CIB4: variants seen among roughly 807,000 people sequenced by gnomAD.
The protein encoded by CIB4 is calcium and integrin binding family member 4, also known as calcium and integrin-binding family member 4.
In CIB4, 25 loss-of-function variants were observed where a neutral mutation model predicts 25.8. That is an observed-to-expected ratio of 0.97 (90% confidence interval 0.71 to 1.35). CIB4 has a LOEUF of 1.35. Ranked by LOEUF, CIB4 falls within the 40% of genes most tolerant of loss-of-function variation. The pLI, the probability that CIB4 is intolerant of heterozygous loss-of-function variation, is 0.00. For synonymous variants in CIB4, 75 were observed against 81.4 expected (o/e 0.92, Z 0.42); for missense variants, 235 against 228.2 (o/e 1.03, Z -0.19).
intron 4 of CIB4, 29 bp downstream of exon 4, chr2:26,595,147 C>G (rs1558558120): frequency 1.3e-6 from 2 of 1,592,330 alleles, no homozygotes; most frequent in Non-Finnish European, 1.7e-6. Flanking sequence ...CTTTCCACCC[C>G]TCACCCCTCA....
intron 3 of CIB4, among the ~76,000 whole-genome samples, chr2:26,618,727 T>C (rs2148215946): frequency 6.6e-6 from 1 of 152,320 alleles, no homozygotes; most frequent in South Asian, 2.1e-4. Flanking sequence ...GGCCTGGTCC[T>C]AGCCTGACCG....
intron 3 of CIB4, among the ~76,000 whole-genome samples, chr2:26,598,328 T>C (rs572149004): frequency 6.8e-6 from 1 of 147,724 alleles, no homozygotes; most frequent in African/African-American, 2.5e-5. Context: ...AAAAACAGAA[T>C]CTAGATTGAA....
intron 3 of CIB4, among the ~76,000 whole-genome samples, chr2:26,601,230 AAATATATAT>A (rs1228753357): frequency 0.016 from 745 of 47,390 alleles, 53 homozygotes; most frequent in African/African-American, 0.038. Context: ...AAAAAAAAAA[AAATATATAT>A]ATATATATAT....
At chr2:26,636,157 T>C (rs76910069) in intron 2 of CIB4, among the ~76,000 whole-genome samples, 3,227 of 152,296 alleles carry the variant, frequency 0.021, 127 homozygotes, top group African/African-American at 0.074. Flanking sequence ...TTTCTCTATA[T>C]ATACTTCTTT....
intron 3 of CIB4, among the ~76,000 whole-genome samples, chr2:26,609,694 A>G (rs1282066791): frequency 6.6e-6 from 1 of 152,106 alleles, no homozygotes; most frequent in Non-Finnish European, 1.5e-5. Context: ...TCAGGGCGGG[A>G]AGGTCCCAGG....
At chr2:26,594,943 G>A (rs1372137279) in intron 4 of CIB4, among the ~76,000 whole-genome samples, 2 of 151,726 alleles carry the variant, frequency 1.3e-5, no homozygotes, top group Non-Finnish European at 2.9e-5. Context: ...AAATATCAAC[G>A]CCAATGACCC....
chr2:26,596,956 C>T (rs1668693712), intron 3 of CIB4, among the ~76,000 whole-genome samples: 1 of 152,186 alleles, frequency 6.6e-6, no homozygotes, highest in Non-Finnish European at 1.5e-5. Context: ...TGACAAGTAG[C>T]TATTGGCAGT....
chr2:26,606,415 G>T (rs1391833677), intron 3 of CIB4, among the ~76,000 whole-genome samples: 1 of 152,204 alleles, frequency 6.6e-6, no homozygotes, highest in Non-Finnish European at 1.5e-5. Context: ...AATCCAGAAG[G>T]GAGGGAGATG....
At chr2:26,624,857 T>A (rs1005380605) in intron 3 of CIB4, among the ~76,000 whole-genome samples, 12 of 148,294 alleles carry the variant, frequency 8.1e-5, no homozygotes, top group Non-Finnish European at 1.2e-4. Context: ...TATATATATT[T>A]TTTTTATATA....
intron 3 of CIB4, among the ~76,000 whole-genome samples, chr2:26,619,562 C>T (rs561123378): frequency 6.6e-6 from 1 of 152,182 alleles, no homozygotes; most frequent in Admixed American, 6.5e-5. Flanking sequence ...TGACACCTGC[C>T]AAAATGAAAG....
chr2:26,611,702 G>A (rs2148210736), intron 3 of CIB4, among the ~76,000 whole-genome samples: 1 of 152,218 alleles, frequency 6.6e-6, no homozygotes, highest in Admixed American at 6.5e-5. Context: ...ATTATTTATA[G>A]TAACAAATAA....
At chr2:26,584,157 A>G (rs1668406959) in intron 4 of CIB4, among the ~76,000 whole-genome samples, 1 of 152,174 alleles carries the variant, frequency 6.6e-6, no homozygotes, top group Admixed American at 6.5e-5. Flanking sequence ...AAGTCATTGA[A>G]TCTTCACAAT....
intron 2 of CIB4, among the ~76,000 whole-genome samples, chr2:26,629,814 G>C (rs984261100): frequency 2.2e-4 from 33 of 152,310 alleles, no homozygotes; most frequent in Admixed American, 6.5e-4. Flanking sequence ...CACACTCTAC[G>C]AGGGTTCATC....
rs182788764 is a variant in CIB4 at position 26,640,693 on chromosome 2, C to A, written c.55-126G>T. ...CTTTTGCTGCACAGCTGGGGGAACC[C>A]CAGGTTGAGGTGGATGCCTGAGGTG... On this transcript the variant is annotated intron_variant, in intron 1 of 6. Coordinates refer to ENST00000288861, the MANE Select transcript of CIB4 (RefSeq NM_001029881.3). The A allele has an allele frequency of 2.6e-4, 271 of 1,026,718 alleles. 1 individual carries two copies. The East Asian group carries it at 5.3e-3, about 20-fold the overall frequency. The allele number at this position is 1,026,718 out of a possible 1,614,324, so 63.6% of individuals were successfully genotyped here.
At chr2:26,625,748 A>T (rs1229451016) in intron 3 of CIB4, among the ~76,000 whole-genome samples, 2 of 152,178 alleles carry the variant, frequency 1.3e-5, no homozygotes, top group Non-Finnish European at 2.9e-5. Context: ...ATTAGATCCC[A>T]TTTGTCAATT....
chr2:26,621,475 G>C (rs1022518249), intron 3 of CIB4, among the ~76,000 whole-genome samples: 69 of 152,224 alleles, frequency 4.5e-4, no homozygotes, highest in African/African-American at 1.6e-3. Context: ...TGAGGCAGGA[G>C]AATTACTTAA....
intron 4 of CIB4, among the ~76,000 whole-genome samples, chr2:26,585,386 A>G (rs1668432039): frequency 6.6e-6 from 1 of 151,996 alleles, no homozygotes; most frequent in South Asian, 2.1e-4. Flanking sequence ...GAGAAGCATC[A>G]GGGGTTAAGT....
intron 2 of CIB4, among the ~76,000 whole-genome samples, chr2:26,633,501 A>T (rs1572574050): frequency 6.6e-6 from 1 of 151,514 alleles, no homozygotes; most frequent in Non-Finnish European, 1.5e-5. Context: ...GACTCGAGTC[A>T]CCCCCCTGGA....
chr2:26,629,348 CAT>C, intron 3 of CIB4, 60 bp downstream of exon 3: 5 of 1,069,140 alleles, frequency 4.7e-6, no homozygotes, highest in Non-Finnish European at 7.0e-6. Context: ...TCCCAGCACC[CAT>C]CAGCCCATCA....
Sources: allele counts gnomAD v4.1 joint callset (sites outside exome capture counted in the v4.1 genomes callset), GRCh38; gene constraint gnomAD v4.1.1; transcripts MANE v1.5; gene names NCBI Gene and HGNC (gene_info 2026-07-23, HGNC 2026-07-21).